The following PLAC8 variants were observed in gnomAD, a reference collection of about 807,000 sequenced individuals.
PLAC8 encodes placenta associated 8, also known as placenta-specific gene 8 protein.
In PLAC8, 6 loss-of-function variants were observed where a neutral mutation model predicts 12.6. That is an observed-to-expected ratio of 0.48 (90% CI 0.26 to 0.94). The LOEUF (loss-of-function observed/expected upper bound fraction) is 0.94, where lower values mean the gene tolerates loss of function less well. PLAC8 is among the 40% of genes least tolerant of loss of function. PLAC8 has a pLI of 0.14. For missense variants in PLAC8, 122 were observed against 152.7 expected (o/e 0.80, Z 1.06); for synonymous variants, 54 against 52.6 (o/e 1.03, Z -0.11).
chr4:83,105,903 C>A (rs559774365), intron 2 of PLAC8, among the ~76,000 whole-genome samples: 25 of 152,270 alleles, frequency 1.6e-4, no homozygotes, highest in Middle Eastern at 3.4e-3. Context: ...AGTCGTCACC[C>A]CAGACAATGA....
intron 1 of PLAC8, among the ~76,000 whole-genome samples, chr4:83,109,998 G>C (rs1277562707): frequency 1.3e-5 from 2 of 152,110 alleles, no homozygotes; most frequent in Non-Finnish European, 2.9e-5. Context: ...TCGCCGGGGC[G>C]GCGCGCCGCT....
intron 1 of PLAC8, among the ~76,000 whole-genome samples, chr4:83,112,732 C>A (rs757925689): frequency 1.3e-5 from 2 of 152,214 alleles, no homozygotes; most frequent in Non-Finnish European, 2.9e-5. Flanking sequence ...CCTCTGTGAT[C>A]ATTTAAAAAT....
intron 2 of PLAC8, among the ~76,000 whole-genome samples, chr4:83,105,712 C>T (rs1177536993): frequency 6.6e-6 from 1 of 152,196 alleles, no homozygotes; most frequent in Non-Finnish European, 1.5e-5. Context: ...ATCAGATCTA[C>T]ATTTAAGAAA....
At chr4:83,103,120 G>A (rs1239697424) in intron 3 of PLAC8, among the ~76,000 whole-genome samples, 4 of 150,378 alleles carry the variant, frequency 2.7e-5, no homozygotes, top group Non-Finnish European at 5.9e-5. Context: ...CTTGAGGCTG[G>A]GCGCGGTGGC....
intron 1 of PLAC8, among the ~76,000 whole-genome samples, chr4:83,112,954 G>C (rs1732458350): frequency 6.6e-6 from 1 of 152,150 alleles, no homozygotes; most frequent in South Asian, 2.1e-4. Flanking sequence ...TTAGTTCAGT[G>C]GTCCTCAAAG....
At position 83,107,870 on chromosome 4, in the gene PLAC8, C is replaced by A. The variant is rs374282306; in HGVS notation, c.52G>T (p.Gly18Cys). The A allele has an allele frequency of 1.9e-6, 3 of 1,601,360 alleles. No individual in the cohort carries two copies. Among genetic ancestry groups the A allele is most frequent in the Non-Finnish European group, 1.7e-6 (2 of 1,173,166 alleles). The stretch of plus-strand genomic sequence containing the variant: ...CAGTTGGAGTTCTGGGGGGCCGGAC[C>A]GGGACCGACTCCAGGTTGGGTCACA... ...VVVTQPGVGP[G>C]PAPQNSNWQT... is the part of the protein sequence containing the mutation. Residue 18 changes from glycine to cysteine, a missense_variant, in exon 2 of 5, where the codon GGT becomes TGT. Transcript: ENST00000311507.
intron 3 of PLAC8, among the ~76,000 whole-genome samples, chr4:83,095,689 G>T (rs1002586594): frequency 9.2e-5 from 14 of 152,180 alleles, no homozygotes; most frequent in Admixed American, 5.9e-4. Flanking sequence ...TAAAAGTCAA[G>T]AAGTAGCAAT....
intron 1 of PLAC8, among the ~76,000 whole-genome samples, chr4:83,111,777 G>T (rs966190443): frequency 6.6e-6 from 1 of 152,180 alleles, no homozygotes; most frequent in Admixed American, 6.5e-5. Flanking sequence ...TTTACTTAGT[G>T]TATGGCATAT....
chr4:83,090,600 A>G lies in PLAC8; in HGVS notation c.*381T>C, dbSNP rs1273669762. On this transcript the variant is annotated 3_prime_UTR_variant, in exon 5 of 5. Transcript: ENST00000311507. ...AAAAAAAAAAAAGAAAAAGGAAATC[A>G]AAGTATAAGAACAAAATTATGAGAC... 1 of 151,516 alleles carries G rather than the reference A, an allele frequency of 6.6e-6. No homozygotes were observed. Among genetic ancestry groups the G allele is most frequent in the Non-Finnish European group, 1.5e-5 (1 of 67,866 alleles). 9.4% of individuals were successfully genotyped at this position (151,516 alleles called of 1,614,324 possible).
intron 3 of PLAC8, among the ~76,000 whole-genome samples, chr4:83,101,267 C>A (rs2126141596): frequency 6.6e-6 from 1 of 152,306 alleles, no homozygotes; most frequent in South Asian, 2.1e-4. Flanking sequence ...GTAATCCCAG[C>A]TACTGGCGAG....
intron 3 of PLAC8, 25 bp downstream of exon 3, chr4:83,104,871 T>C (rs375484530): frequency 8.7e-6 from 14 of 1,609,876 alleles, no homozygotes; most frequent in African/African-American, 2.7e-5. Context: ...CATATTTGAG[T>C]GAGATGGTAT....
chr4:83,101,505 C>T (rs1461194878), intron 3 of PLAC8, among the ~76,000 whole-genome samples: 1 of 152,230 alleles, frequency 6.6e-6, no homozygotes, highest in Non-Finnish European at 1.5e-5. Context: ...CAAGGCGAAG[C>T]AGCAAGTGCT....
At chr4:83,098,281 C>T (rs1464729755) in intron 3 of PLAC8, among the ~76,000 whole-genome samples, 1 of 152,068 alleles carries the variant, frequency 6.6e-6, no homozygotes, top group Non-Finnish European at 1.5e-5. Flanking sequence ...AACAAGTTGG[C>T]CAAGAGCTAA....
chr4:83,097,253 A>ATG lies in PLAC8; in HGVS notation c.244-2464_244-2463dup, dbSNP rs749028488. Reference sequence around the variant, plus strand: ...GGGGTGTGTGTGTGTGTGGGTGTGTATGTGTGTGTGTGTGTGATGTTTATA... The same window carrying ATG: ...GGGGTGTGTGTGTGTGTGGGTGTGTATGTGTGTGTGTGTGTGTGATGTTTATA... On this transcript the variant is annotated intron_variant, in intron 3 of 4. Coordinates refer to ENST00000311507, the MANE Select transcript of PLAC8 (RefSeq NM_016619.3). Among the ~76,000 whole-genome samples the ATG allele has an allele frequency of 4.2e-3, 626 of 150,254 alleles. 2 individuals are homozygous for ATG. Among genetic ancestry groups the ATG allele is most frequent in the African/African-American group, 7.6e-3 (311 of 41,020 alleles).
chr4:83,097,531 C>T (rs1731969983), intron 3 of PLAC8, among the ~76,000 whole-genome samples: 1 of 151,950 alleles, frequency 6.6e-6, no homozygotes, highest in Admixed American at 6.6e-5. Context: ...TTTGATTTAC[C>T]TACTTTGGAG....
intron 1 of PLAC8, among the ~76,000 whole-genome samples, chr4:83,111,921 G>C (rs1306539097): frequency 6.6e-6 from 1 of 152,118 alleles, no homozygotes; most frequent in Non-Finnish European, 1.5e-5. Flanking sequence ...GGCTGGGTGT[G>C]GTGGCTTACG....
rs74965233 is a variant in PLAC8, at chr4:83,105,377, A to G, written c.119-357T>C. Among the ~76,000 whole-genome samples, 73 of 152,348 alleles carry G rather than the reference A, an allele frequency of 4.8e-4. No homozygotes were observed. The East Asian group carries it at 0.014, about 29-fold the overall frequency. The stretch of plus-strand genomic sequence containing the variant: ...GGCAGATCATAGGGAAAGTTCTCCA[A>G]CAGAAACGTGTTTGAAATACCAACA... On this transcript the variant is annotated intron_variant, in intron 2 of 4. Coordinates refer to ENST00000311507, the MANE Select transcript of PLAC8 (RefSeq NM_016619.3).
intron 3 of PLAC8, among the ~76,000 whole-genome samples, chr4:83,096,725 G>A (rs1310574310): frequency 2.0e-5 from 3 of 152,128 alleles, no homozygotes; most frequent in Non-Finnish European, 4.4e-5. Flanking sequence ...TAAAAATGAG[G>A]TCATACTATC....
At chr4:83,104,340 T>G (rs965935555) in intron 3 of PLAC8, among the ~76,000 whole-genome samples, 15 of 151,902 alleles carry the variant, frequency 9.9e-5, no homozygotes, top group African/African-American at 3.6e-4. Context: ...TATATATATA[T>G]GTGTGTATAC....
Sources: gnomAD v4.1 joint callset for allele counts (sites outside exome capture counted in the v4.1 genomes callset) on GRCh38, gnomAD v4.1.1 for gene constraint, MANE v1.5 for transcripts, NCBI Gene and HGNC (gene_info 2026-07-23, HGNC 2026-07-21) for gene names.